FRMPD2: variants seen among roughly 807,000 people sequenced by gnomAD.
FRMPD2 encodes FERM and PDZ domain containing 2.
In FRMPD2, 96 loss-of-function variants were observed where a neutral mutation model predicts 140.1. The ratio of observed to expected loss-of-function variants is 0.69; its 90% CI spans 0.58 to 0.81. FRMPD2 has a LOEUF of 0.81. Ranked by LOEUF, FRMPD2 falls within the 40% of genes least tolerant of loss-of-function variation. FRMPD2 has a pLI of 0.00. For synonymous variants in FRMPD2, 449 were observed against 547.6 expected (o/e 0.82, Z 2.52); for missense variants, 1,240 against 1,447.4 (o/e 0.86, Z 2.32).
chr10:48,241,111 C>T (rs576264038), intron 5 of FRMPD2, among the ~76,000 whole-genome samples: 1 of 152,276 alleles, frequency 6.6e-6, no homozygotes, highest in East Asian at 1.9e-4. Context: ...TCCATTTCCC[C>T]CACCAAATCC....
At chr10:48,204,769 G>A (rs965386818) in intron 14 of FRMPD2, among the ~76,000 whole-genome samples, 9 of 152,070 alleles carry the variant, frequency 5.9e-5, no homozygotes, top group East Asian at 3.8e-4. Context: ...CCTAAATAGC[G>A]TGTGTCTGCT....
intron 12 of FRMPD2, among the ~76,000 whole-genome samples, chr10:48,212,681 G>C (rs1839357213): frequency 6.6e-6 from 1 of 152,146 alleles, no homozygotes; most frequent in African/African-American, 2.4e-5. Flanking sequence ...GCACATGAAG[G>C]TGTTCAAGGA....
At chr10:48,238,595 C>T (rs1052123787) in intron 7 of FRMPD2, among the ~76,000 whole-genome samples, 1 of 152,180 alleles carries the variant, frequency 6.6e-6, no homozygotes, top group Non-Finnish European at 1.5e-5. Context: ...ATAAACTCTA[C>T]GATATCCAAT....
chr10:48,206,696 CA>C, intron 14 of FRMPD2, 51 bp downstream of exon 14: 1 of 1,516,894 alleles, frequency 6.6e-7, no homozygotes, highest in South Asian at 1.2e-5. Flanking sequence ...AAACGGCCAA[CA>C]AATCAAAGGA....
In FRMPD2 at chr10:48,223,125, G is replaced by T; in HGVS notation, c.1314C>A (p.Leu438=). The T allele has an allele frequency of 6.2e-7, 1 of 1,612,798 alleles. No homozygotes were observed. The highest frequency in any genetic ancestry group is 8.5e-7 in the Non-Finnish European group (1 of 1,179,176). The change falls in exon 11 of 29, where the codon CTC becomes CTA. Residue 438 remains leucine, a splice_region_variant and synonymous_variant. Transcript: ENST00000374201. ...ATGAACAGGTTTGCAGCACTCACTG[G>T]AGCAGCCCATAGTGGCTGACAAAGA... is the stretch of plus-strand genomic sequence containing the variant. ...IKFFVSHYGL[L]QHSLTRHQFY...
intron 2 of FRMPD2, 81 bp downstream of exon 2, chr10:48,251,485 A>T: frequency 3.2e-6 from 5 of 1,550,524 alleles, no homozygotes; most frequent in Non-Finnish European, 4.4e-6. Flanking sequence ...TTAAAAAAGC[A>T]GCAGCAGCCA....
Position 48,187,292 on chromosome 10 carries a change from G to A in FRMPD2, c.2166C>T (p.Ser722=). ...KEAGAEGIGR[S]PCTGREQLKS... Reference sequence around the variant, plus strand: ...TCAGCTGCTCCCGGCCAGTGCAGGGGCTGCCGGGAAAAGAAAATGAGGTTA... The same window carrying A: ...TCAGCTGCTCCCGGCCAGTGCAGGGACTGCCGGGAAAAGAAAATGAGGTTA... The change falls in exon 17 of 29, where the codon AGC becomes AGT. Residue 722 remains serine (S), a splice_region_variant and synonymous_variant. Transcript: ENST00000374201. 1 of 1,613,566 alleles carries A rather than the reference G, an allele frequency of 6.2e-7. No individual in the cohort carries two copies. The highest frequency in any genetic ancestry group is 8.5e-7 in the Non-Finnish European group (1 of 1,179,620).
intron 8 of FRMPD2, among the ~76,000 whole-genome samples, chr10:48,237,565 G>C (rs11101269): frequency 0.27 from 41,247 of 152,008 alleles, 7,947 homozygotes; most frequent in African/African-American, 0.55. Context: ...CTTAGGGTTA[G>C]CCAGCTGGAA....
intron 15 of FRMPD2, among the ~76,000 whole-genome samples, chr10:48,194,388 G>A (rs1197567779): frequency 1.3e-5 from 2 of 152,178 alleles, no homozygotes; most frequent in Non-Finnish European, 2.9e-5. Flanking sequence ...GACAGCAGCA[G>A]GGGAGATTTA....
chr10:48,250,742 T>C (rs1021867202), intron 2 of FRMPD2, among the ~76,000 whole-genome samples: 10 of 151,688 alleles, frequency 6.6e-5, no homozygotes, highest in African/African-American at 2.4e-4. Flanking sequence ...TCAAACACTG[T>C]TTAGTAATTC....
At chr10:48,224,892 A>G (rs758162846) in intron 10 of FRMPD2, among the ~76,000 whole-genome samples, 19 of 152,254 alleles carry the variant, frequency 1.2e-4, no homozygotes, top group Admixed American at 3.3e-4. Context: ...TTCACAGGTT[A>G]TGAAAGGTCG....
intron 4 of FRMPD2, among the ~76,000 whole-genome samples, chr10:48,243,619 G>A (rs912551254): frequency 1.2e-4 from 19 of 152,200 alleles, no homozygotes; most frequent in Admixed American, 3.3e-4. Context: ...AACCAGACGG[G>A]AGCAGGGACC....
At chr10:48,177,995 T>C in intron 22 of FRMPD2, 52 bp downstream of exon 22, 3 of 812,836 alleles carry the variant, frequency 3.7e-6, no homozygotes, top group Non-Finnish European at 6.4e-6. Context: ...GCCACCAGGT[T>C]CTAGACGGAC....
At chr10:48,252,419 C>G (rs1400431672) in intron 1 of FRMPD2, among the ~76,000 whole-genome samples, 1 of 152,152 alleles carries the variant, frequency 6.6e-6, no homozygotes, top group Non-Finnish European at 1.5e-5. Context: ...CCGGAAGAAG[C>G]CAGGCGGGCT....
chr10:48,193,071 C>T (rs1054081637), intron 15 of FRMPD2, 177 bp from the exon 16 acceptor site: 2 of 602,492 alleles, frequency 3.3e-6, no homozygotes, highest in Non-Finnish European at 5.9e-6. Context: ...TTAGCACTTG[C>T]TAATGAAAGA....
intron 8 of FRMPD2, among the ~76,000 whole-genome samples, chr10:48,237,611 C>A (rs369974948): frequency 5.9e-5 from 9 of 152,226 alleles, no homozygotes; most frequent in East Asian, 1.9e-4. Context: ...GCCCTCCCTG[C>A]GGCCCTGGAT....
intron 21 of FRMPD2, among the ~76,000 whole-genome samples, chr10:48,178,646 C>T (rs1411832878): frequency 6.6e-6 from 1 of 152,170 alleles, no homozygotes; most frequent in African/African-American, 2.4e-5. Context: ...CCCAGAAGAG[C>T]CTGCAGCATC....
intron 10 of FRMPD2, among the ~76,000 whole-genome samples, chr10:48,223,562 A>G (rs895961328): frequency 6.6e-6 from 1 of 152,188 alleles, no homozygotes; most frequent in African/African-American, 2.4e-5. Context: ...GCCTTCAGCT[A>G]TCATCTCATG....
chr10:48,246,687 C>T (rs1588852802), intron 3 of FRMPD2, among the ~76,000 whole-genome samples: 2 of 152,182 alleles, frequency 1.3e-5, no homozygotes, highest in African/African-American at 2.4e-5. Flanking sequence ...CTGGGTACAC[C>T]CTCCCAGCAC....
Sources: gnomAD v4.1 joint callset for allele counts (sites outside exome capture counted in the v4.1 genomes callset) on GRCh38, gnomAD v4.1.1 for gene constraint, MANE v1.5 for transcripts, NCBI Gene and HGNC (gene_info 2026-07-23, HGNC 2026-07-21) for gene names.